FNDC3B: variants seen among roughly 807,000 people sequenced by gnomAD.
FNDC3B encodes the protein fibronectin type III domain-containing protein 3B.
In FNDC3B, 12 loss-of-function variants were observed where a neutral mutation model predicts 151.5. The ratio of observed to expected loss-of-function variants is 0.08; its 90% CI spans 0.05 to 0.13. FNDC3B has a LOEUF of 0.13. FNDC3B is among the 10% of genes least tolerant of loss of function. FNDC3B has a pLI of 1.00. For synonymous variants in FNDC3B, 528 were observed against 549.0 expected (o/e 0.96, Z 0.54); for missense variants, 1,214 against 1,505.3 (o/e 0.81, Z 3.20).
intron 22 of FNDC3B, among the ~76,000 whole-genome samples, chr3:172,362,217 C>T (rs976447565): frequency 4.6e-5 from 7 of 152,148 alleles, no homozygotes. Flanking sequence ...ATGAGTTGTC[C>T]TGTGTTTTTG....
chr3:172,292,656 G>A (rs1315862122), intron 7 of FNDC3B, among the ~76,000 whole-genome samples: 3 of 152,214 alleles, frequency 2.0e-5, no homozygotes, highest in East Asian at 3.8e-4. Context: ...GTTCTTGGGT[G>A]CAAAGCAGCC....
chr3:172,299,620 C>T (rs1416815452), intron 9 of FNDC3B, among the ~76,000 whole-genome samples: 1 of 139,110 alleles, frequency 7.2e-6, no homozygotes, highest in East Asian at 2.2e-4. Flanking sequence ...ACATTGTTTC[C>T]CTTTTTTTTT....
chr3:172,339,437 C>T (rs1733170578), intron 16 of FNDC3B, among the ~76,000 whole-genome samples: 1 of 152,004 alleles, frequency 6.6e-6, no homozygotes, highest in South Asian at 2.1e-4. Context: ...GTGGCATGTG[C>T]CTGTAATTCC....
At position 172,337,332 on chromosome 3, in the gene FNDC3B, C is replaced by T. The variant is rs773263646; in HGVS notation, c.1783C>T (p.Pro595Ser). The T allele has an allele frequency of 6.3e-7, 1 of 1,597,290 alleles. No homozygotes were observed. The highest frequency in any genetic ancestry group is 1.7e-5 in the Admixed American group (1 of 58,542). Residue 595 changes from proline to serine, a missense_variant and splice_region_variant, in exon 16 of 26, where the codon CCC becomes TCC. Transcript: ENST00000415807. ...TSHGFSVKWDPPKDNGGSEIL... is the reference protein window; with the variant it reads ...TSHGFSVKWDSPKDNGGSEIL... Reference sequence around the variant, plus strand: ...TAAGACATTTGGTTATTTTCCAGATCCCCCTAAGGACAATGGTGGTTCAGA... The same window carrying T: ...TAAGACATTTGGTTATTTTCCAGATTCCCCTAAGGACAATGGTGGTTCAGA...
At chr3:172,278,273 T>A (rs1729533945) in intron 6 of FNDC3B, among the ~76,000 whole-genome samples, 2 of 152,190 alleles carry the variant, frequency 1.3e-5, no homozygotes, top group Admixed American at 1.3e-4. Context: ...GTATGCCAAG[T>A]CCTAATGAAA....
chr3:172,395,712 T>C (rs1171351016), intron 25 of FNDC3B, among the ~76,000 whole-genome samples: 1 of 152,136 alleles, frequency 6.6e-6, no homozygotes, highest in Non-Finnish European at 1.5e-5. Flanking sequence ...CCAGATCACA[T>C]AACAAGGCCC....
At chr3:172,199,281 G>C (rs560037971) in intron 3 of FNDC3B, among the ~76,000 whole-genome samples, 4 of 151,374 alleles carry the variant, frequency 2.6e-5, no homozygotes, top group Non-Finnish European at 4.4e-5. Context: ...CCGGGTTCAC[G>C]CCATTCTCCT....
At chr3:172,232,780 G>A (rs746199971) in intron 4 of FNDC3B, among the ~76,000 whole-genome samples, 31 of 152,294 alleles carry the variant, frequency 2.0e-4, no homozygotes, top group Middle Eastern at 3.4e-3. Flanking sequence ...TACCTGGAGA[G>A]GCCTTTCTTC....
chr3:172,308,851 A>T (rs1731323719), intron 10 of FNDC3B, among the ~76,000 whole-genome samples: 4 of 152,234 alleles, frequency 2.6e-5, no homozygotes, highest in Admixed American at 2.0e-4. Context: ...ATATTTACAC[A>T]TACATATGTA....
intron 6 of FNDC3B, among the ~76,000 whole-genome samples, chr3:172,253,162 G>C (rs1472383481): frequency 6.6e-6 from 1 of 152,142 alleles, no homozygotes; most frequent in Non-Finnish European, 1.5e-5. Context: ...ACCTTGCCTT[G>C]CACCAAAACT....
intron 23 of FNDC3B, among the ~76,000 whole-genome samples, chr3:172,364,561 G>T (rs540486902): frequency 6.6e-6 from 1 of 152,322 alleles, no homozygotes; most frequent in African/African-American, 2.4e-5. Flanking sequence ...GCCCTGTGTG[G>T]GGCAGCAGCC....
At chr3:172,203,450 A>T (rs895883217) in intron 3 of FNDC3B, among the ~76,000 whole-genome samples, 1 of 152,252 alleles carries the variant, frequency 6.6e-6, no homozygotes, top group Non-Finnish European at 1.5e-5. Flanking sequence ...AAATTTTGGT[A>T]TAACAGAACA....
At position 172,368,573 on chromosome 3, in the gene FNDC3B, T is replaced by C. The variant is rs150058681; in HGVS notation, c.3008+5728T>C. On this transcript the variant is annotated intron_variant, in intron 23 of 25. Coordinates refer to ENST00000415807, the MANE Select transcript of FNDC3B (RefSeq NM_022763.4). ...ATTCTCGACATGGGTATCAAATCTC[T>C]GTTGAAATCTCAGAACTGTTGCTGG... 7.0e-4 allele frequency among the ~76,000 whole-genome samples: 106 copies of C among 152,354 alleles called. 4 individuals carry two copies. Among genetic ancestry groups the C allele is most frequent in the East Asian group, 1.7e-3 (9 of 5,188 alleles).
At position 172,359,647 on chromosome 3, in the gene FNDC3B, T is replaced by C. The variant is rs185767573; in HGVS notation, c.2796-2986T>C. Among the ~76,000 whole-genome samples, 33 of 152,332 alleles carry C rather than the reference T, an allele frequency of 2.2e-4. No homozygotes were observed. In the East Asian group the frequency reaches 5.4e-3, roughly 25 times the overall value. ...CTGCCTTTTTAAAAAGATTTTTCAT[T>C]TCCAGTTGCCGAAAAATATGTTACA... On this transcript the variant is annotated intron_variant, in intron 22 of 25. Coordinates refer to ENST00000415807, the MANE Select transcript of FNDC3B (RefSeq NM_022763.4).
At chr3:172,107,116 C>T (rs2108531202) in intron 1 of FNDC3B, among the ~76,000 whole-genome samples, 1 of 152,266 alleles carries the variant, frequency 6.6e-6, no homozygotes, top group Admixed American at 6.5e-5. Context: ...AAGTTAATCA[C>T]AAGTGCCCAC....
chr3:172,074,056 C>G, intron 1 of FNDC3B, among the ~76,000 whole-genome samples: 1 of 152,176 alleles, frequency 6.6e-6, no homozygotes, highest in East Asian at 1.9e-4. Flanking sequence ...GGAAGACTTT[C>G]TCTGAGTAAG....
intron 1 of FNDC3B, among the ~76,000 whole-genome samples, chr3:172,063,085 A>G (rs556475989): frequency 2.4e-4 from 36 of 152,128 alleles, no homozygotes; most frequent in African/African-American, 8.4e-4. Context: ...TTTTCTCCCT[A>G]TCTTCCTTGT....
At chr3:172,147,284 C>G (rs1053596864) in intron 3 of FNDC3B, among the ~76,000 whole-genome samples, 7 of 145,458 alleles carry the variant, frequency 4.8e-5, no homozygotes, top group African/African-American at 1.3e-4. Context: ...TCGAGCCTGG[C>G]GACAGAGTGA....
intron 3 of FNDC3B, among the ~76,000 whole-genome samples, chr3:172,200,017 T>TCATTCATC (rs1292827482): frequency 6.6e-6 from 1 of 152,070 alleles, no homozygotes; most frequent in Non-Finnish European, 1.5e-5. Flanking sequence ...ATTCATTCAT[T>TCATTCATC]CATTCATTCA....
Sources: gnomAD v4.1 joint callset for allele counts (sites outside exome capture counted in the v4.1 genomes callset) on GRCh38, gnomAD v4.1.1 for gene constraint, MANE v1.5 for transcripts, NCBI Gene and HGNC (gene_info 2026-07-23, HGNC 2026-07-21) for gene names.